The following SPECC1 variants were observed in gnomAD, a reference collection of about 807,000 sequenced individuals.
SPECC1 encodes cytospin-B.
A neutral mutation model predicts 104.1 loss-of-function variants in SPECC1; 62 were observed. The ratio of observed to expected loss-of-function variants is 0.60; its 90% CI spans 0.49 to 0.74. The LOEUF (loss-of-function observed/expected upper bound fraction) is 0.74, where lower values mean the gene tolerates loss of function less well. SPECC1 is among the 30% of genes least tolerant of loss of function. SPECC1 has a pLI of 0.00. For synonymous variants in SPECC1, 513 were observed against 501.6 expected (o/e 1.02, Z -0.30); for missense variants, 1,306 against 1,310.5 (o/e 1.00, Z 0.05).
At chr17:20,265,521 A>G (rs2040189457) in intron 12 of SPECC1, among the ~76,000 whole-genome samples, 1 of 151,958 alleles carries the variant, frequency 6.6e-6, no homozygotes. Flanking sequence ...GTTTGTGAAT[A>G]TTTCTTCCCA....
chr17:20,135,233 G>C (rs192089195), intron 3 of SPECC1, among the ~76,000 whole-genome samples: 1 of 152,118 alleles, frequency 6.6e-6, no homozygotes, highest in Admixed American at 6.6e-5. Context: ...CTGTTCCTAA[G>C]CAAATTACAG....
chr17:20,312,686 A>T (rs1445618480), intron 14 of SPECC1, among the ~76,000 whole-genome samples: 1 of 152,246 alleles, frequency 6.6e-6, no homozygotes, highest in Non-Finnish European at 1.5e-5. Flanking sequence ...CAGCCAGTGT[A>T]GGTAGAAGGA....
Position 20,229,895 on chromosome 17 carries a change from C to T in SPECC1, c.2072-1863C>T, listed in dbSNP as rs529068891. ...CAAAGCAATATTTGTTCACATCACC[C>T]AGGGTCAGGAAAATGTTAACCCCTT... On this transcript the variant is annotated intron_variant, in intron 5 of 14. Coordinates refer to ENST00000395527, the MANE Select transcript of SPECC1 (RefSeq NM_001243439.2). Among the ~76,000 whole-genome samples the T allele has an allele frequency of 2.0e-5, 3 of 152,310 alleles. No individual in the cohort carries two copies. In the South Asian group the frequency reaches 6.2e-4, roughly 32 times the overall value.
chr17:20,083,533 C>T (rs2047061915), intron 1 of SPECC1, among the ~76,000 whole-genome samples: 1 of 152,174 alleles, frequency 6.6e-6, no homozygotes, highest in Non-Finnish European at 1.5e-5. Context: ...ATTTGAAATA[C>T]ATCCTTTTTG....
At chr17:20,013,610 TC>T (rs904795056) in intron 1 of SPECC1, among the ~76,000 whole-genome samples, 1 of 152,202 alleles carries the variant, frequency 6.6e-6, no homozygotes, top group Non-Finnish European at 1.5e-5. Flanking sequence ...CAAACGATTC[TC>T]CCAACCCAGC....
At chr17:20,102,420 A>G (rs183411028) in intron 2 of SPECC1, among the ~76,000 whole-genome samples, 182 of 152,278 alleles carry the variant, frequency 1.2e-3, no homozygotes, top group African/African-American at 4.3e-3. Context: ...TCCATGCCCT[A>G]TGGGAGGGAG....
intron 3 of SPECC1, among the ~76,000 whole-genome samples, chr17:20,161,359 C>T (rs756105913): frequency 2.0e-5 from 3 of 152,132 alleles, no homozygotes. Flanking sequence ...CTCAAGAGTC[C>T]CCCTCCTGCA....
chr17:20,182,162 G>A (rs1003163031), intron 3 of SPECC1, among the ~76,000 whole-genome samples: 1 of 130,502 alleles, frequency 7.7e-6, no homozygotes, highest in African/African-American at 3.1e-5. Flanking sequence ...TTCCCAGGCT[G>A]GAGTGCAGTG....
At chr17:20,045,319 G>A (rs539186105) in intron 1 of SPECC1, among the ~76,000 whole-genome samples, 37 of 151,956 alleles carry the variant, frequency 2.4e-4, no homozygotes, top group Non-Finnish European at 4.1e-4. Context: ...CATGTACCCA[G>A]TATCCTATTG....
intron 3 of SPECC1, among the ~76,000 whole-genome samples, chr17:20,172,725 CCACT>C (rs1331835361): frequency 6.6e-6 from 1 of 152,148 alleles, no homozygotes; most frequent in African/African-American, 2.4e-5. Context: ...AGCTCTGTGC[CCACT>C]AGCCCTTGAT....
At position 20,190,402 on chromosome 17, in the gene SPECC1, C is replaced by CCTGCTGCT. The variant is rs2035584637; in HGVS notation, c.284-13924_284-13923insTCTGCTGC. 5.9e-5 allele frequency among the ~76,000 whole-genome samples: 9 copies of CCTGCTGCT among 152,060 alleles called. No individual in the cohort carries two copies. In the South Asian group the frequency reaches 1.9e-3, roughly 32 times the overall value. ...TTATGAAAAGCAAGACTGCTGCTGC[C>CCTGCTGCT]CTGCTGCCCTACCCCTTCCCATTTC... On this transcript the variant is annotated intron_variant, in intron 3 of 14. Coordinates refer to ENST00000395527, the MANE Select transcript of SPECC1 (RefSeq NM_001243439.2).
intron 1 of SPECC1, among the ~76,000 whole-genome samples, chr17:20,092,201 GACATCCCCCACCCC>G (rs1306028034): frequency 6.6e-6 from 1 of 151,664 alleles, no homozygotes; most frequent in Non-Finnish European, 1.5e-5. Context: ...CCCCTGGAAC[GACATCCCCCACCCC>G]ACCATGGGTG....
chr17:20,013,711 C>T (rs2044020559), intron 1 of SPECC1, among the ~76,000 whole-genome samples: 1 of 152,130 alleles, frequency 6.6e-6, no homozygotes, highest in Non-Finnish European at 1.5e-5. Context: ...CCGTGTTGGC[C>T]AGGCTAGTCT....
chr17:20,044,250 C>T (rs2045446514), intron 1 of SPECC1, among the ~76,000 whole-genome samples: 1 of 151,910 alleles, frequency 6.6e-6, no homozygotes, highest in African/African-American at 2.4e-5. Flanking sequence ...TTGGCTTCAG[C>T]ATGCTAAAAA....
At chr17:20,233,780 A>AT (rs1384673873) in intron 7 of SPECC1, among the ~76,000 whole-genome samples, 8 of 152,250 alleles carry the variant, frequency 5.3e-5, no homozygotes, top group Non-Finnish European at 2.9e-5. Flanking sequence ...CTGAAACAGT[A>AT]GTGAGGCCGT....
chr17:20,214,778 G>C (rs2037380262), intron 4 of SPECC1, among the ~76,000 whole-genome samples: 1 of 152,328 alleles, frequency 6.6e-6, no homozygotes, highest in Non-Finnish European at 1.5e-5. Context: ...AAAGTGCTGG[G>C]ATTACAGGCG....
chr17:20,040,779 A>G (rs1303494425), intron 1 of SPECC1, among the ~76,000 whole-genome samples: 1 of 152,150 alleles, frequency 6.6e-6, no homozygotes, highest in Admixed American at 6.6e-5. Context: ...AAGTTTGACT[A>G]TGATGTATTT....
chr17:20,272,068 G>T (rs1480111046), intron 12 of SPECC1, among the ~76,000 whole-genome samples: 1 of 150,790 alleles, frequency 6.6e-6, no homozygotes, highest in African/African-American at 2.4e-5. Flanking sequence ...AGGGTGATGT[G>T]CCTTGCTCTA....
intron 1 of SPECC1, chr17:20,018,136 C>G (rs964871712): frequency 6.6e-6 from 1 of 152,258 alleles, no homozygotes; most frequent in Non-Finnish European, 1.5e-5. Flanking sequence ...CTCTGCTGTT[C>G]TATCTGCTGT....
Sources: allele counts gnomAD v4.1 joint callset (sites outside exome capture counted in the v4.1 genomes callset), GRCh38; gene constraint gnomAD v4.1.1; transcripts MANE v1.5; gene names NCBI Gene and HGNC (gene_info 2026-07-23, HGNC 2026-07-21).